KIF19: variants seen among roughly 807,000 people sequenced by gnomAD.
The protein encoded by KIF19 is kinesin-like protein KIF19.
Under a neutral mutation model 106.6 loss-of-function variants are expected in KIF19, and 98 were observed. That is an observed-to-expected ratio of 0.92 (90% CI 0.78 to 1.09). The LOEUF (loss-of-function observed/expected upper bound fraction) is 1.09. KIF19 is among the 50% of genes least tolerant of loss of function. The pLI is 0.00. For synonymous variants in KIF19, 516 were observed against 584.2 expected (o/e 0.88, Z 1.68); for missense variants, 1,373 against 1,414.3 (o/e 0.97, Z 0.47).
intron 2 of KIF19, among the ~76,000 whole-genome samples, chr17:74,330,952 G>C (rs2054061014): frequency 6.6e-6 from 1 of 152,202 alleles, no homozygotes; most frequent in African/African-American, 2.4e-5. Flanking sequence ...TTGCACCAGG[G>C]ATCCAGCCCA....
Position 74,331,845 on chromosome 17 carries a change from G to A in KIF19, c.120+3340G>A, listed in dbSNP as rs1165502272. Among the ~76,000 whole-genome samples the A allele has an allele frequency of 6.6e-6, 1 of 152,104 alleles. No homozygotes were observed. Among genetic ancestry groups the A allele is most frequent in the Non-Finnish European group, 1.5e-5 (1 of 68,026 alleles). ...ACCCGCCTCAGCCTCCCAAACTGTT[G>A]GGATTACAGGTGTGAGCCACTGTGC... is the stretch of plus-strand genomic sequence containing the variant. On this transcript the variant is annotated intron_variant, in intron 2 of 19. Transcript: ENST00000389916. The surrounding 1 kb of genome is among the most constrained non-coding windows in gnomAD (Gnocchi z 4.1).
intron 2 of KIF19, among the ~76,000 whole-genome samples, chr17:74,338,959 C>T (rs768630532): frequency 2.6e-5 from 4 of 151,934 alleles, no homozygotes; most frequent in Non-Finnish European, 5.9e-5. Context: ...CCCTGGCTCC[C>T]CTGCTGACCC....
intron 3 of KIF19, among the ~76,000 whole-genome samples, chr17:74,342,216 C>T (rs9908458): frequency 0.11 from 16,195 of 152,276 alleles, 957 homozygotes; most frequent in Admixed American, 0.14. Context: ...CCACCCTACA[C>T]GGTACAACTC....
At chr17:74,355,151 A>G (rs2054843572) in intron 19 of KIF19, 31 bp from the exon 20 acceptor site, 2 of 1,563,568 alleles carry the variant, frequency 1.3e-6, no homozygotes, top group East Asian at 2.3e-5. Context: ...GCATTCCGAA[A>G]CCACTGATCC....
intron 1 of KIF19, 110 bp downstream of exon 1, chr17:74,326,498 A>G (rs934994410): frequency 2.2e-5 from 23 of 1,043,844 alleles, no homozygotes; most frequent in Non-Finnish European, 3.2e-5. Context: ...AGGACAGGCA[A>G]CGACCAGGGC....
chr17:74,350,566 C>T lies in KIF19; in HGVS notation c.1379C>T (p.Thr460Ile), dbSNP rs1004403443. ...VQIDTSRHLLTIAGWKHEKSR... is the reference protein window; with the variant it reads ...VQIDTSRHLLIIAGWKHEKSR... ...ATTGACACCTCCCGACACCTGCTCA[C>T]CATCGCCGGGTAAGCCCCCCTCCCA... is the stretch of plus-strand genomic sequence containing the variant. The change falls in exon 11 of 20, where the codon ACC becomes ATC. Residue 460 changes from threonine (T) to isoleucine (I), a missense_variant. Thr to Ile is a moderately conservative substitution (Grantham distance 89). Around this residue, in one of 3 missense-constraint regions of KIF19, gnomAD observed 1,020 missense variants for 1,008.2 expected, o/e 1.01. Transcript: ENST00000389916. The T allele has an allele frequency of 6.2e-7, 1 of 1,612,866 alleles. No homozygotes were observed. Among genetic ancestry groups the T allele is most frequent in the Non-Finnish European group, 8.5e-7 (1 of 1,179,780 alleles).
In KIF19 at chr17:74,337,481, T is replaced by C. The variant is rs181846813; in HGVS notation, c.121-4395T>C. On this transcript the variant is annotated intron_variant, in intron 2 of 19. Transcript: ENST00000389916. ...CCAGCTCTCTCTTCCCGACCCAGTG[T>C]TTCTCACAAGAAACCCCAGTGATCT... is the stretch of plus-strand genomic sequence containing the variant. Among the ~76,000 whole-genome samples the C allele has an allele frequency of 6.0e-3, 914 of 152,270 alleles. 9 individuals carry two copies. Among genetic ancestry groups the C allele is most frequent in the African/African-American group, 0.021 (893 of 41,558 alleles).
chr17:74,342,482 TC>T (rs1241410714), intron 3 of KIF19, 147 bp from the exon 4 acceptor site: 1 of 643,382 alleles, frequency 1.6e-6, no homozygotes, highest in Non-Finnish European at 2.8e-6. Context: ...AGCAGAGACA[TC>T]CCCTCCCCCA....
intron 8 of KIF19, 57 bp from the exon 9 acceptor site, chr17:74,347,720 G>A (rs2054576450): frequency 1.3e-6 from 2 of 1,558,764 alleles, no homozygotes; most frequent in African/African-American, 1.4e-5. Flanking sequence ...TGAACAGCCT[G>A]GCAGGAGGAA....
chr17:74,340,706 T>C (rs147741679), intron 2 of KIF19, among the ~76,000 whole-genome samples: 230 of 152,310 alleles, frequency 1.5e-3, no homozygotes, highest in African/African-American at 5.1e-3. Flanking sequence ...GGCTCAAAGC[T>C]GCAAAGGGCC....
Position 74,353,260 on chromosome 17 carries a change from A to G in KIF19, c.2179A>G (p.Thr727Ala). ...AWQAKSSSVP[T>A]PPPIQLGSLV... is the part of the protein sequence containing the mutation. ...GCAGGCAAAAAGCTCCTCTGTGCCCACCCCACCTCCCATCCAGCTCGGCAG... is the reference window on the plus strand; with the variant it reads ...GCAGGCAAAAAGCTCCTCTGTGCCCGCCCCACCTCCCATCCAGCTCGGCAG... The change falls in exon 16 of 20, where the codon ACC becomes GCC. Residue 727 changes from threonine (T) to alanine (A), a missense_variant. By Grantham distance (58) the Thr-to-Ala change is moderately conservative. Around this residue, in one of 3 missense-constraint regions of KIF19, gnomAD observed 1,020 missense variants for 1,008.2 expected, o/e 1.01. Coordinates refer to ENST00000389916, the MANE Select transcript of KIF19 (RefSeq NM_153209.4). The G allele has an allele frequency of 1.9e-6, 3 of 1,582,026 alleles. No homozygotes were observed. The East Asian group carries it at 7.0e-5, about 37-fold the overall frequency.
rs1567913884 is a variant in KIF19 at position 74,347,778 on chromosome 17, A to G, written c.926A>G (p.Asp309Gly). 1.3e-6 allele frequency: 2 copies of G among 1,588,326 alleles called. No homozygotes were observed. Among genetic ancestry groups the G allele is most frequent in the Admixed American group, 1.8e-5 (1 of 56,826 alleles). The change falls in exon 9 of 20, where the codon GAC becomes GGC. Residue 309 changes from aspartate to glycine, a missense_variant and splice_region_variant. Transcript: ENST00000389916. Reference sequence around the variant, plus strand: ...TGACCACAGCCACCTCCCATCCAGGACTCTCTGGGAGGAAACAGCCGCACA... The same window carrying G: ...TGACCACAGCCACCTCCCATCCAGGGCTCTCTGGGAGGAAACAGCCGCACA... ...RDSKLTRLLK[D>G]SLGGNSRTVM...
In KIF19 at chr17:74,343,022, A is replaced by G. The variant is rs1407891735; in HGVS notation, c.320-2A>G. On this transcript the variant is annotated splice_acceptor_variant, in intron 4 of 19. Transcript: ENST00000389916. LOFTEE classifies it high-confidence loss of function. ...GTCACCCTCCACCTTGTTCTGCCCC[A>G]GGCTGTGGGAAAACCTACACCATGC... 1.3e-6 allele frequency: 2 copies of G among 1,553,260 alleles called. No homozygotes were observed. The highest frequency in any genetic ancestry group is 2.8e-5 in the African/African-American group (2 of 72,666).
At chr17:74,329,433 G>A (rs1434401092) in intron 2 of KIF19, 2 of 148,958 alleles carry the variant, frequency 1.3e-5, no homozygotes, top group Admixed American at 1.3e-4. Flanking sequence ...GGGTGACAGA[G>A]TGGGACTCTG....
chr17:74,352,036 G>T lies in KIF19; in HGVS notation c.1757G>T (p.Arg586Leu). 1 of 1,572,598 alleles carries T rather than the reference G, an allele frequency of 6.4e-7. No individual in the cohort carries two copies. The change falls in exon 13 of 20, where the codon CGC (arginine) becomes CTC (leucine). Residue 586 changes from arginine to leucine, a missense_variant. Arg to Leu is a moderately radical substitution (Grantham distance 102). Around this residue, in one of 3 missense-constraint regions of KIF19, gnomAD observed 1,020 missense variants for 1,008.2 expected, o/e 1.01. Coordinates refer to ENST00000389916, the MANE Select transcript of KIF19 (RefSeq NM_153209.4). ...NTEMQSHALL[R>L]DGALRHRHEA... Reference sequence around the variant, plus strand: ...GAGATGCAGTCGCACGCGCTGCTCCGCGACGGTGCGCTCCGCCACCGCCAC... The same window carrying T: ...GAGATGCAGTCGCACGCGCTGCTCCTCGACGGTGCGCTCCGCCACCGCCAC...
chr17:74,344,717 C>A (rs1294733478), intron 6 of KIF19, 44 bp from the exon 7 acceptor site: 3 of 1,570,904 alleles, frequency 1.9e-6, no homozygotes, highest in Non-Finnish European at 2.6e-6. Context: ...TGCCGGAGCA[C>A]CTACGGCAGT....
rs939466345 is a variant in KIF19, at chr17:74,352,944, A to G, written c.2104A>G (p.Ser702Gly). Residue 702 changes from serine to glycine, a missense_variant, in exon 15 of 20, where the codon AGC (serine) becomes GGC (glycine). By Grantham distance (56) the Ser-to-Gly change is moderately conservative. Around this residue, in one of 3 missense-constraint regions of KIF19, gnomAD observed 1,020 missense variants for 1,008.2 expected, o/e 1.01. Coordinates refer to ENST00000389916, the MANE Select transcript of KIF19 (RefSeq NM_153209.4). ...GCAGAACAGCGCCCTCCCTCCCCTC[A>G]GCACAGAGAGGTGAGATGGGGGCCA... ...HLQNSALPPL[S>G]TESEGHHVFK... 2.5e-6 allele frequency: 4 copies of G among 1,613,614 alleles called. No homozygotes were observed. The Admixed American group carries it at 5.0e-5, about 20-fold the overall frequency.
At chr17:74,342,852 C>A in intron 4 of KIF19, 135 bp downstream of exon 4, 5 of 1,163,528 alleles carry the variant, frequency 4.3e-6, no homozygotes, top group Non-Finnish European at 6.1e-6. Flanking sequence ...GGCCCTCCAG[C>A]CCCAGAGGCC....
Position 74,352,035 on chromosome 17 carries a change from C to T in KIF19, c.1756C>T (p.Arg586Cys), listed in dbSNP as rs772301162. ...CGAGATGCAGTCGCACGCGCTGCTC[C>T]GCGACGGTGCGCTCCGCCACCGCCA... Reference protein sequence around the residue: ...NTEMQSHALLRDGALRHRHEA... With the variant: ...NTEMQSHALLCDGALRHRHEA... The change falls in exon 13 of 20, where the codon CGC becomes TGC. Residue 586 changes from arginine to cysteine, a missense_variant. Transcript: ENST00000389916. The T allele has an allele frequency of 3.4e-5, 53 of 1,572,132 alleles. No homozygotes were observed. The highest frequency in any genetic ancestry group is 4.2e-5 in the Non-Finnish European group (49 of 1,166,594).
Sources: allele counts gnomAD v4.1 joint callset (sites outside exome capture counted in the v4.1 genomes callset), GRCh38; gene constraint gnomAD v4.1.1; regional missense constraint gnomAD v4.1.1; non-coding constraint Gnocchi (gnomAD v3.1); transcripts MANE v1.5; gene names NCBI Gene and HGNC (gene_info 2026-07-23, HGNC 2026-07-21).